Variants in SELENON observed in about 807,000 individuals in gnomAD.
SELENON encodes selenoprotein N.
In SELENON, 44 loss-of-function variants were observed where a neutral mutation model predicts 59.5. The ratio of observed to expected loss-of-function variants is 0.74; its 90% CI spans 0.58 to 0.95. The LOEUF is 0.95. Among genes scored for constraint, SELENON ranks in the 40% least tolerant of loss-of-function variants. SELENON has a pLI of 0.00. For missense variants in SELENON, 674 were observed against 721.4 expected (o/e 0.93, Z 0.75); for synonymous variants, 320 against 305.6 (o/e 1.05, Z -0.49).
chr1:25,814,688 G>C (rs10794511), intron 12 of SELENON, among the ~76,000 whole-genome samples: 114,142 of 152,134 alleles, frequency 0.75, 43,552 homozygotes, highest in East Asian at 0.97. Context: ...CCAGAAAGTT[G>C]AGAGACTGGA....
At chr1:25,804,111 G>A (rs1006273940) in intron 3 of SELENON, among the ~76,000 whole-genome samples, 3 of 152,116 alleles carry the variant, frequency 2.0e-5, no homozygotes, top group East Asian at 1.9e-4. Context: ...TCTAGATTGC[G>A]TTTTGGAAAG....
chr1:25,815,938 CTG>C lies in SELENON; in HGVS notation c.*222_*223del. ...TGGGCAGAGGAACCTCTAGCTCTGA[CTG>C]TCACTCGGCTCTCCCTACCCATTTG... On this transcript the variant is annotated 3_prime_UTR_variant, in exon 13 of 13. Transcript: ENST00000361547. The C allele has an allele frequency of 1.8e-6, 1 of 568,170 alleles. No individual in the cohort carries two copies. Among genetic ancestry groups the C allele is most frequent in the Non-Finnish European group, 3.2e-6 (1 of 316,106 alleles). 35.2% of individuals were successfully genotyped at this position (568,170 alleles called of 1,614,324 possible). A position where few individuals can be genotyped will look rare whatever the true frequency, so the allele number is the denominator to read the frequency against.
intron 8 of SELENON, 58 bp from the exon 8 acceptor site, chr1:25,811,633 C>T (rs543737913): frequency 2.5e-6 from 4 of 1,598,110 alleles, no homozygotes; most frequent in South Asian, 2.2e-5. Flanking sequence ...TCTAGGGGAG[C>T]CCCTGAGGAT....
chr1:25,808,819 C>T (rs1176865264), intron 5 of SELENON, 30 bp downstream of exon 4: 3 of 1,612,602 alleles, frequency 1.9e-6, no homozygotes, highest in Admixed American at 3.3e-5. Flanking sequence ...GACGTGGGGC[C>T]CCTCCGCCCG....
chr1:25,809,130 C>T lies in SELENON; in HGVS notation c.852C>T (p.Phe284=), dbSNP rs187880136. 2.3e-4 allele frequency: 364 copies of T among 1,613,792 alleles called. 2 individuals are homozygous for T. In the African/African-American group the frequency reaches 4.4e-3, roughly 19 times the overall value. ...CCTGCCTGACTGCCATCAGCGACTT[C>T]TACTACACTGTGATGTTCCGGTGAG... Residue 284 remains phenylalanine (F), a synonymous_variant, in exon 6 of 13, where the codon TTC becomes TTT. Coordinates refer to ENST00000361547, the MANE Select transcript of SELENON (RefSeq NM_020451.3).
At chr1:25,802,603 G>A (rs1276833031) in intron 3 of SELENON, among the ~76,000 whole-genome samples, 3 of 151,856 alleles carry the variant, frequency 2.0e-5, no homozygotes, top group African/African-American at 4.8e-5. Flanking sequence ...AGATCTGCCC[G>A]CCTCAGCCTC....
At chr1:25,800,958 G>T in intron 1 of SELENON, 85 bp from the exon 2 acceptor site, 1 of 1,042,276 alleles carries the variant, frequency 9.6e-7, no homozygotes, top group Middle Eastern at 2.1e-4. Context: ...TGGGAGAAGG[G>T]GCTCCATGCG....
chr1:25,803,265 G>C (rs1052845117), intron 3 of SELENON, among the ~76,000 whole-genome samples: 1 of 152,152 alleles, frequency 6.6e-6, no homozygotes, highest in Non-Finnish European at 1.5e-5. Context: ...CAAAGCTTGA[G>C]GTGCACTTTT....
Position 25,809,838 on chromosome 1 carries a change from G to A in SELENON, c.1010+18G>A. ...AACCACAGGTGGGAGCTTGACCCTGGCCCAGCCTTGGCTCCCTCCTACAGC... is the reference window on the plus strand; with the variant it reads ...AACCACAGGTGGGAGCTTGACCCTGACCCAGCCTTGGCTCCCTCCTACAGC... On this transcript the variant is annotated intron_variant, in intron 7 of 12. Transcript: ENST00000361547. 1 of 1,611,742 alleles carries A rather than the reference G, an allele frequency of 6.2e-7. No individual in the cohort carries two copies. The highest frequency in any genetic ancestry group is 8.5e-7 in the Non-Finnish European group (1 of 1,179,994).
Position 25,818,220 on chromosome 1 carries a change from A to G in SELENON, c.*2502A>G, listed in dbSNP as rs1374312272. 6.6e-6 allele frequency: 1 copy of G among 152,294 alleles called. No homozygotes were observed. The highest frequency in any genetic ancestry group is 1.5e-5 in the Non-Finnish European group (1 of 68,104). 9.4% of individuals were successfully genotyped at this position (152,294 alleles called of 1,614,324 possible). On this transcript the variant is annotated 3_prime_UTR_variant, in exon 13 of 13. Coordinates refer to ENST00000361547, the MANE Select transcript of SELENON (RefSeq NM_020451.3). ...CCCTGTAATAAAATTAGAGAAGACTAACTAGAGTGGTTCTAAGTGCTTTTC... is the reference window on the plus strand; with the variant it reads ...CCCTGTAATAAAATTAGAGAAGACTGACTAGAGTGGTTCTAAGTGCTTTTC...
intron 3 of SELENON, among the ~76,000 whole-genome samples, chr1:25,804,226 C>G (rs1010336025): frequency 9.9e-5 from 15 of 152,164 alleles, no homozygotes; most frequent in African/African-American, 3.1e-4. Context: ...ATTCCAGACT[C>G]TCACCCCTGC....
chr1:25,801,207 GGT>G, intron 2 of SELENON, 47 bp downstream of exon 2: 1 of 1,467,724 alleles, frequency 6.8e-7, no homozygotes, highest in Non-Finnish European at 9.6e-7. Flanking sequence ...CTTGGCCAAC[GGT>G]GTCTTCACTG....
At chr1:25,810,839 A>G in intron 7 of SELENON, among the ~76,000 whole-genome samples, 1 of 152,100 alleles carries the variant, frequency 6.6e-6, no homozygotes, top group East Asian at 1.9e-4. Flanking sequence ...GTTGTTGAGG[A>G]GGGGGCCTGG....
rs1214176713 is a variant in SELENON at position 25,816,023 on chromosome 1, T to G, written c.*305T>G. 1 of 411,720 alleles carries G rather than the reference T, an allele frequency of 2.4e-6. No individual in the cohort carries two copies. Among genetic ancestry groups the G allele is most frequent in the African/African-American group, 2.0e-5 (1 of 49,550 alleles). The allele number at this position is 411,720 out of a possible 1,614,324, so 25.5% of individuals were successfully genotyped here. A position where few individuals can be genotyped will look rare whatever the true frequency, so the allele number is the denominator to read the frequency against. ...GGCCTGGGTGAACTCCCTGGACCTT[T>G]CCTAGCCAGCCGCACAGTCTAGGCC... On this transcript the variant is annotated 3_prime_UTR_variant, in exon 13 of 13. Transcript: ENST00000361547.
chr1:25,804,861 C>G (rs2047892001), intron 3 of SELENON, among the ~76,000 whole-genome samples: 1 of 152,120 alleles, frequency 6.6e-6, no homozygotes, highest in African/African-American at 2.4e-5. Flanking sequence ...GGGTTTCAAT[C>G]CCGATTCCCC....
Position 25,809,135 on chromosome 1 carries a change from A to G in SELENON, c.857A>G (p.Tyr286Cys), listed in dbSNP as rs752835142. Residue 286 changes from tyrosine (Y) to cysteine (C), a missense_variant, in exon 6 of 13, where the codon TAC becomes TGC. Transcript: ENST00000361547. ...CTGACTGCCATCAGCGACTTCTACT[A>G]CACTGTGATGTTCCGGTGAGTGGGC... 1 of 1,613,680 alleles carries G rather than the reference A, an allele frequency of 6.2e-7. No homozygotes were observed. The highest frequency in any genetic ancestry group is 1.1e-5 in the South Asian group (1 of 91,084).
At chr1:25,805,010 T>C (rs568213503) in intron 3 of SELENON, 132 bp from the exon 3 acceptor site, 1 of 1,110,666 alleles carries the variant, frequency 9.0e-7, no homozygotes, top group African/African-American at 1.5e-5. Context: ...GTTGTTACTT[T>C]GGTGACTGTT....
At chr1:25,810,317 C>G (rs2047947244) in intron 7 of SELENON, among the ~76,000 whole-genome samples, 1 of 152,238 alleles carries the variant, frequency 6.6e-6, no homozygotes, top group African/African-American at 2.4e-5. Flanking sequence ...TGCTGCAGAG[C>G]CCCAGAGGGG....
intron 1 of SELENON, 61 bp from the exon 2 acceptor site, chr1:25,800,982 G>T: frequency 2.2e-6 from 3 of 1,367,198 alleles, no homozygotes; most frequent in Non-Finnish European, 3.1e-6. Flanking sequence ...GCAACTGCCT[G>T]TTGGGGACCA....
Sources: gnomAD v4.1 joint callset for allele counts (sites outside exome capture counted in the v4.1 genomes callset) on GRCh38, gnomAD v4.1.1 for gene constraint, MANE v1.5 for transcripts, NCBI Gene and HGNC (gene_info 2026-07-23, HGNC 2026-07-21) for gene names.